Variants in PRH1 observed in about 807,000 individuals in gnomAD.
PRH1 encodes the protein proline rich protein HaeIII subfamily 1.
A neutral mutation model predicts 7.9 loss-of-function variants in PRH1; 7 were observed. The ratio of observed to expected loss-of-function variants is 0.89; its 90% CI spans 0.50 to 1.67. The LOEUF is 1.67. Among genes scored for constraint, PRH1 ranks in the 40% most tolerant of loss-of-function variants. PRH1 has a pLI of 0.00. For synonymous variants in PRH1, 45 were observed against 80.8 expected (o/e 0.56, Z 2.38); for missense variants, 109 against 223.6 (o/e 0.49, Z 3.27).
intron 1 of PRH1, chr12:11,022,509 A>G: frequency 6.2e-7 from 1 of 1,613,902 alleles, no homozygotes. Flanking sequence ...CATTGGCAAC[A>G]TTTCCAAGAA....
chr12:10,932,011 C>A (rs977654500), intron 2 of PRH1, among the ~76,000 whole-genome samples: 10 of 152,156 alleles, frequency 6.6e-5, no homozygotes, highest in African/African-American at 2.4e-4. Flanking sequence ...TAACAATAAT[C>A]GTTTTTCGTC....
At chr12:10,954,816 A>C (rs1937872542) in intron 2 of PRH1, among the ~76,000 whole-genome samples, 1 of 152,036 alleles carries the variant, frequency 6.6e-6, no homozygotes, top group African/African-American at 2.4e-5. Context: ...TTTAACCAGC[A>C]AAGATCAAGA....
chr12:11,049,718 A>G (rs2136146073), upstream of PRH1, among the ~76,000 whole-genome samples: 1 of 152,336 alleles, frequency 6.6e-6, no homozygotes, highest in East Asian at 1.9e-4. Flanking sequence ...ACAGGTTTAA[A>G]TTGTTTAAGG....
chr12:11,071,865 C>T (rs1360395878), intron 1 of PRH1, among the ~76,000 whole-genome samples: 2 of 152,198 alleles, frequency 1.3e-5, no homozygotes, highest in Non-Finnish European at 1.5e-5. Flanking sequence ...ACCCTCTACC[C>T]TTGCTCAATA....
rs201281372 is a variant in PRH1, at chr12:11,092,122, G to C, written n.124-44934C>G. 439,631 of 874,090 alleles carry C rather than the reference G, an allele frequency of 0.5. 121,120 individuals are homozygous for C. The highest frequency in any genetic ancestry group is 0.53 in the Non-Finnish European group (336,983 of 640,982). The allele number at this position is 874,090 out of a possible 1,614,324, so 54.1% of individuals were successfully genotyped here. On this transcript the variant is annotated intron_variant and non_coding_transcript_variant, in intron 1 of 4. Coordinates refer to the PRH1 transcript ENST00000541977. ...CAGCAAAGGAGATCTTTTGTCTCTTGAACCACTCAATGGAATTTACCAGTG... is the reference window on the plus strand; with the variant it reads ...CAGCAAAGGAGATCTTTTGTCTCTTCAACCACTCAATGGAATTTACCAGTG...
intron 1 of PRH1, among the ~76,000 whole-genome samples, chr12:11,075,796 C>G (rs573047400): frequency 1.4e-5 from 2 of 143,880 alleles, no homozygotes; most frequent in South Asian, 4.2e-4. Context: ...CAACCTGAAA[C>G]TAGAAAATTC....
At chr12:10,899,817 T>C (rs1484931510) in intron 2 of PRH1, among the ~76,000 whole-genome samples, 1 of 152,202 alleles carries the variant, frequency 6.6e-6, no homozygotes, top group East Asian at 1.9e-4. Context: ...TAAAATTATT[T>C]CAGTGAATTA....
chr12:11,057,665 A>G (rs1943421043), intron 1 of PRH1, among the ~76,000 whole-genome samples: 1 of 152,230 alleles, frequency 6.6e-6, no homozygotes, highest in Admixed American at 6.5e-5. Context: ...CCAAAACCAG[A>G]TGGATTATAG....
At chr12:11,129,433 A>C (rs961165486) in intron 1 of PRH1, among the ~76,000 whole-genome samples, 21 of 152,418 alleles carry the variant, frequency 1.4e-4, no homozygotes, top group African/African-American at 4.8e-4. Context: ...TACTGGCAAC[A>C]AAATATATAA....
At chr12:11,048,644 GT>G, upstream of PRH1, 1 of 594,080 alleles carries the variant, frequency 1.7e-6, no homozygotes, top group Non-Finnish European at 3.2e-6. Context: ...TTCTTGACAT[GT>G]TTACATGGAG....
intron 1 of PRH1, among the ~76,000 whole-genome samples, chr12:11,071,871 C>T (rs1226628525): frequency 6.6e-6 from 1 of 152,172 alleles, no homozygotes; most frequent in Non-Finnish European, 1.5e-5. Flanking sequence ...TACCCTTGCT[C>T]AATAACCCCC....
At chr12:11,146,708 A>C (rs955311126) in intron 1 of PRH1, among the ~76,000 whole-genome samples, 4 of 152,138 alleles carry the variant, frequency 2.6e-5, no homozygotes, top group African/African-American at 9.7e-5. Context: ...TTTTGTTCTT[A>C]ATGTTTAGAT....
chr12:10,982,708 T>C (rs991998985), intron 1 of PRH1, among the ~76,000 whole-genome samples: 1 of 152,146 alleles, frequency 6.6e-6, no homozygotes, highest in Non-Finnish European at 1.5e-5. Context: ...TTAAGTATAG[T>C]AAAATATTAT....
intron 1 of PRH1, among the ~76,000 whole-genome samples, chr12:11,108,326 G>GA (rs1271804396): frequency 6.6e-6 from 1 of 152,114 alleles, no homozygotes; most frequent in Non-Finnish European, 1.5e-5. Context: ...CACTTAAATA[G>GA]AAAAACTAAA....
intron 1 of PRH1, among the ~76,000 whole-genome samples, chr12:11,152,430 C>G (rs1395489037): frequency 2.0e-5 from 3 of 151,710 alleles, no homozygotes; most frequent in Non-Finnish European, 4.4e-5. Context: ...TAGAAAATTG[C>G]ACATTAGAAT....
intron 2 of PRH1, among the ~76,000 whole-genome samples, chr12:10,952,013 A>T (rs1352388109): frequency 6.6e-6 from 1 of 152,200 alleles, no homozygotes; most frequent in Non-Finnish European, 1.5e-5. Flanking sequence ...CAGCCTTAGG[A>T]TAGCTATCTA....
chr12:11,009,463 A>G (rs1419438356), intron 1 of PRH1, among the ~76,000 whole-genome samples: 1 of 151,944 alleles, frequency 6.6e-6, no homozygotes, highest in Admixed American at 6.6e-5. Context: ...AATTTCCCAA[A>G]CATTGCTTTT....
intron 1 of PRH1, chr12:11,091,614 G>C (rs760905556): frequency 5.4e-6 from 7 of 1,291,082 alleles, no homozygotes; most frequent in South Asian, 4.6e-5. Flanking sequence ...ATCTTCTTGA[G>C]ATGTTTACAC....
At chr12:10,989,060 G>A (rs755897094) in intron 1 of PRH1, among the ~76,000 whole-genome samples, 7 of 152,054 alleles carry the variant, frequency 4.6e-5, no homozygotes, top group Admixed American at 1.3e-4. Context: ...CACCCGCCTC[G>A]GCCTCCCAAA....
Sources: gnomAD v4.1 joint callset for allele counts (sites outside exome capture counted in the v4.1 genomes callset) on GRCh38, gnomAD v4.1.1 for gene constraint, MANE v1.5 for transcripts, NCBI Gene and HGNC (gene_info 2026-07-23, HGNC 2026-07-21) for gene names.